Variants in FGGY observed in about 807,000 individuals in gnomAD.
The protein encoded by FGGY is FGGY carbohydrate kinase domain-containing protein.
A neutral mutation model predicts 71.3 loss-of-function variants in FGGY; 72 were observed. The observed-to-expected ratio is 1.01, with a 90% CI of 0.84 to 1.23. The LOEUF is 1.23. Ranked by LOEUF, FGGY falls within the 50% of genes most tolerant of loss-of-function variation. The pLI is 0.00. For synonymous variants in FGGY, 251 were observed against 250.3 expected (o/e 1.00, Z -0.02); for missense variants, 668 against 682.3 (o/e 0.98, Z 0.23).
intron 14 of FGGY, among the ~76,000 whole-genome samples, chr1:59,697,172 T>G (rs533860628): frequency 6.6e-6 from 1 of 152,338 alleles, no homozygotes; most frequent in East Asian, 1.9e-4. Context: ...CCTGGTTGTA[T>G]TCTTTTGTTT....
intron 2 of FGGY, among the ~76,000 whole-genome samples, chr1:59,336,739 C>T (rs543413919): frequency 7.8e-4 from 118 of 151,730 alleles, no homozygotes; most frequent in African/African-American, 2.7e-3. Context: ...TGAGAACATG[C>T]GGTGTTAGAA....
chr1:59,440,100 A>G (rs2069443283), intron 5 of FGGY, among the ~76,000 whole-genome samples: 1 of 150,300 alleles, frequency 6.7e-6, no homozygotes, highest in African/African-American at 2.5e-5. Context: ...GGTTCAAAAA[A>G]AAAAAAAAAA....
At chr1:59,619,443 A>T (rs1351128283) in intron 9 of FGGY, among the ~76,000 whole-genome samples, 2 of 152,106 alleles carry the variant, frequency 1.3e-5, no homozygotes, top group Non-Finnish European at 2.9e-5. Flanking sequence ...TAGGGTGGTC[A>T]GGGTAGACCT....
At chr1:59,429,808 C>A (rs2067021932) in intron 5 of FGGY, among the ~76,000 whole-genome samples, 1 of 152,224 alleles carries the variant, frequency 6.6e-6, no homozygotes, top group Non-Finnish European at 1.5e-5. Flanking sequence ...TGGTTTAAAT[C>A]TAAGCTGCCT....
chr1:59,473,273 C>T (rs914637886), intron 6 of FGGY, among the ~76,000 whole-genome samples: 4 of 151,474 alleles, frequency 2.6e-5, no homozygotes, highest in South Asian at 2.1e-4. Flanking sequence ...CCAGACGCGC[C>T]GGCTTAAGAG....
intron 14 of FGGY, among the ~76,000 whole-genome samples, chr1:59,756,384 A>G (rs139840925): frequency 9.2e-5 from 14 of 152,246 alleles, no homozygotes; most frequent in African/African-American, 3.4e-4. Flanking sequence ...AAGAGTCCAT[A>G]GAGCAACCTA....
chr1:59,553,893 T>C (rs930399530), intron 7 of FGGY: 3 of 389,210 alleles, frequency 7.7e-6, no homozygotes, highest in African/African-American at 4.0e-5. Context: ...TATTATAACG[T>C]TGGGTGCCAT....
At chr1:59,720,936 G>A (rs78216906) in intron 14 of FGGY, among the ~76,000 whole-genome samples, 5 of 152,104 alleles carry the variant, frequency 3.3e-5, no homozygotes, top group Admixed American at 3.3e-4. Context: ...GTCTGGCTTC[G>A]TTGCTCTCTT....
At chr1:59,699,186 G>A (rs1009995574) in intron 14 of FGGY, 3 of 985,120 alleles carry the variant, frequency 3.0e-6, no homozygotes, top group Admixed American at 6.2e-5. Flanking sequence ...GTCCCTCAGT[G>A]TAAATGTTAG....
chr1:59,657,568 G>A lies in FGGY; in HGVS notation c.1222-2651G>A, dbSNP rs547672826. ...AAAGTGTTCAGCTCAGGGATGTTCA[G>A]CTCATGACTGGTGTTCATGACTAGT... On this transcript the variant is annotated intron_variant, in intron 11 of 15. Coordinates refer to ENST00000303721, the MANE Select transcript of FGGY (RefSeq NM_018291.5). Among the ~76,000 whole-genome samples, 5 of 152,228 alleles carry A rather than the reference G, an allele frequency of 3.3e-5. No individual in the cohort carries two copies. The South Asian group carries it at 1.0e-3, about 32-fold the overall frequency.
At chr1:59,334,371 T>G (rs1223957817) in intron 2 of FGGY, among the ~76,000 whole-genome samples, 1 of 152,218 alleles carries the variant, frequency 6.6e-6, no homozygotes, top group African/African-American at 2.4e-5. Flanking sequence ...CTCAAACTCC[T>G]GACCTCAAGT....
intron 6 of FGGY, among the ~76,000 whole-genome samples, chr1:59,510,353 CCTTAGTGCAGTCCCTAGCATG>C (rs1279737934): frequency 2.6e-5 from 4 of 152,146 alleles, no homozygotes; most frequent in Non-Finnish European, 5.9e-5. Context: ...CATGCTATGT[CCTTAGTGCAGTCCCTAGCATG>C]AAAGTGCTCA....
In FGGY at chr1:59,503,594, CATATATAT is replaced by C. The variant is rs71046332; in HGVS notation, c.671-8699_671-8692del. Among the ~76,000 whole-genome samples the C allele has an allele frequency of 4.8e-4, 61 of 127,698 alleles. 1 individual carries two copies. The highest frequency in any genetic ancestry group is 1.7e-3 in the African/African-American group (55 of 31,962). 83.8% of individuals were successfully genotyped at this position (127,698 alleles called of 152,430 possible). A position where few individuals can be genotyped will look rare whatever the true frequency, so the allele number is the denominator to read the frequency against. Reference sequence around the variant, plus strand: ...TACGCATTGGCTTTTGTGGTGTCGCCATATATATATATATATATATATATAAAATATGT... The same window carrying C: ...TACGCATTGGCTTTTGTGGTGTCGCCATATATATATATATATAAAATATGT... On this transcript the variant is annotated intron_variant, in intron 6 of 15. Coordinates refer to ENST00000303721, the MANE Select transcript of FGGY (RefSeq NM_018291.5).
chr1:59,642,346 G>T, intron 11 of FGGY, among the ~76,000 whole-genome samples: 1 of 152,342 alleles, frequency 6.6e-6, no homozygotes, highest in Non-Finnish European at 1.5e-5. Flanking sequence ...GCAAATCACG[G>T]CTGTGTGCGG....
At position 59,398,396 on chromosome 1, in the gene FGGY, G is replaced by A. The variant is rs375001121; in HGVS notation, c.554+19559G>A. 6.4e-3 allele frequency among the ~76,000 whole-genome samples: 979 copies of A among 152,122 alleles called. 9 individuals are homozygous for A. The highest frequency in any genetic ancestry group is 0.022 in the African/African-American group (905 of 41,500). ...TGGGACTACAGGTGCACGCCACCAC[G>A]CCTGGCTAATTTTTGTATTTTTAGT... On this transcript the variant is annotated intron_variant, in intron 5 of 15. Coordinates refer to ENST00000303721, the MANE Select transcript of FGGY (RefSeq NM_018291.5).
intron 14 of FGGY, among the ~76,000 whole-genome samples, chr1:59,689,455 T>C (rs186794784): frequency 4.1e-4 from 62 of 152,228 alleles, no homozygotes; most frequent in African/African-American, 1.5e-3. Flanking sequence ...CACAAACAGA[T>C]CAATTAGGAA....
At chr1:59,463,166 G>C (rs898116603) in intron 6 of FGGY, among the ~76,000 whole-genome samples, 7 of 152,148 alleles carry the variant, frequency 4.6e-5, no homozygotes, top group Non-Finnish European at 1.0e-4. Context: ...AAAAAATGAT[G>C]AGTTCATGTC....
intron 7 of FGGY, among the ~76,000 whole-genome samples, chr1:59,546,517 G>GATT (rs1491216926): frequency 4.4e-4 from 59 of 134,726 alleles, no homozygotes; most frequent in South Asian, 1.5e-3. Flanking sequence ...TGATGATGAT[G>GATT]ATGATGATGA....
rs190217328 is a variant in FGGY, at chr1:59,361,921, C to T, written c.465+15523C>T. Among the ~76,000 whole-genome samples, 62 of 152,234 alleles carry T rather than the reference C, an allele frequency of 4.1e-4. 1 individual carries two copies. The highest frequency in any genetic ancestry group is 3.8e-3 in the Admixed American group (58 of 15,304). ...ACTGAATACTAGACAGGGCCCTTTCCGCCTCTCTTGGGTGGTGGGGGGTGG... is the reference window on the plus strand; with the variant it reads ...ACTGAATACTAGACAGGGCCCTTTCTGCCTCTCTTGGGTGGTGGGGGGTGG... On this transcript the variant is annotated intron_variant, in intron 4 of 15. Coordinates refer to ENST00000303721, the MANE Select transcript of FGGY (RefSeq NM_018291.5).
Sources: gnomAD v4.1 joint callset for allele counts (sites outside exome capture counted in the v4.1 genomes callset) on GRCh38, gnomAD v4.1.1 for gene constraint, MANE v1.5 for transcripts, NCBI Gene and HGNC (gene_info 2026-07-23, HGNC 2026-07-21) for gene names.